CNTNAP5: variants seen among roughly 807,000 people sequenced by gnomAD.
The protein encoded by CNTNAP5 is contactin associated protein family member 5.
A neutral mutation model predicts 150.2 loss-of-function variants in CNTNAP5; 72 were observed. The ratio of observed to expected loss-of-function variants is 0.48; its 90% CI spans 0.40 to 0.58. CNTNAP5 has a LOEUF of 0.58. CNTNAP5 is among the 20% of genes least tolerant of loss of function. The pLI, the probability that CNTNAP5 is intolerant of heterozygous loss-of-function variation, is 0.00. For missense variants in CNTNAP5, 1,636 were observed against 1,626.2 expected (o/e 1.01, Z -0.10); for synonymous variants, 672 against 619.8 (o/e 1.08, Z -1.25).
chr2:124,416,204 A>G (rs1303689256), intron 3 of CNTNAP5, among the ~76,000 whole-genome samples: 1 of 152,122 alleles, frequency 6.6e-6, no homozygotes, highest in African/African-American at 2.4e-5. Context: ...AAGTATTGAG[A>G]GTTGGAGTGA....
chr2:124,246,146 T>C (rs980181644), intron 3 of CNTNAP5, among the ~76,000 whole-genome samples: 2 of 152,112 alleles, frequency 1.3e-5, no homozygotes, highest in Non-Finnish European at 2.9e-5. Flanking sequence ...TACCAAACAA[T>C]ACATAGCACA....
At chr2:124,291,842 T>C (rs1688302605) in intron 3 of CNTNAP5, among the ~76,000 whole-genome samples, 1 of 152,232 alleles carries the variant, frequency 6.6e-6, no homozygotes, top group Non-Finnish European at 1.5e-5. Context: ...CCTGTTTGGC[T>C]TATTCACATC....
intron 10 of CNTNAP5, among the ~76,000 whole-genome samples, chr2:124,534,046 A>C (rs1043465857): frequency 1.3e-5 from 2 of 152,170 alleles, no homozygotes; most frequent in Admixed American, 6.5e-5. Context: ...AATGGTACTT[A>C]AGTGAAACAA....
At chr2:124,756,807 G>A (rs1028335517) in intron 14 of CNTNAP5, among the ~76,000 whole-genome samples, 1 of 152,094 alleles carries the variant, frequency 6.6e-6, no homozygotes, top group African/African-American at 2.4e-5. Context: ...AGGAAGAATA[G>A]CTACTGGATG....
chr2:124,176,839 C>T (rs1685076476), intron 1 of CNTNAP5, among the ~76,000 whole-genome samples: 1 of 102,028 alleles, frequency 9.8e-6, no homozygotes, highest in African/African-American at 3.9e-5. Flanking sequence ...TTTGTTATTG[C>T]TGGTTTTTTT....
At chr2:124,575,474 G>C (rs1696262306) in intron 11 of CNTNAP5, among the ~76,000 whole-genome samples, 1 of 152,130 alleles carries the variant, frequency 6.6e-6, no homozygotes, top group South Asian at 2.1e-4. Context: ...GGCCCTGTAT[G>C]TGTCCACTTT....
chr2:124,458,441 T>G (rs918381672), intron 6 of CNTNAP5, among the ~76,000 whole-genome samples: 11 of 151,680 alleles, frequency 7.3e-5, no homozygotes, highest in African/African-American at 2.4e-4. Flanking sequence ...CATCGTCTGT[T>G]CCTACTCGTA....
chr2:124,214,913 T>G (rs998160346), intron 1 of CNTNAP5, among the ~76,000 whole-genome samples: 10 of 152,314 alleles, frequency 6.6e-5, no homozygotes, highest in African/African-American at 2.4e-4. Flanking sequence ...CTTTCACGAC[T>G]GATTTTAGAA....
At chr2:124,802,131 A>T (rs535528944) in intron 19 of CNTNAP5, among the ~76,000 whole-genome samples, 2 of 152,292 alleles carry the variant, frequency 1.3e-5, no homozygotes, top group African/African-American at 4.8e-5. Flanking sequence ...GGTTGTGCAC[A>T]ATGGCTCTAA....
chr2:124,913,405 C>A (rs561102478), intron 23 of CNTNAP5, among the ~76,000 whole-genome samples: 1 of 152,068 alleles, frequency 6.6e-6, no homozygotes, highest in African/African-American at 2.4e-5. Flanking sequence ...CAACATAATC[C>A]AGTTAAATCA....
intron 3 of CNTNAP5, among the ~76,000 whole-genome samples, chr2:124,316,069 A>G (rs1558847132): frequency 6.6e-6 from 1 of 152,198 alleles, no homozygotes; most frequent in Non-Finnish European, 1.5e-5. Context: ...CAGAACCTCA[A>G]CTACTTACCG....
intron 3 of CNTNAP5, among the ~76,000 whole-genome samples, chr2:124,311,693 C>A (rs1688835798): frequency 6.6e-6 from 1 of 152,178 alleles, no homozygotes; most frequent in African/African-American, 2.4e-5. Context: ...TTTTCTAATG[C>A]TCCCATAGGA....
chr2:124,580,784 A>T (rs1270994636), intron 11 of CNTNAP5, among the ~76,000 whole-genome samples: 1 of 152,242 alleles, frequency 6.6e-6, no homozygotes, highest in African/African-American at 2.4e-5. Flanking sequence ...GTGAGAGGAC[A>T]AAACCTATGC....
At chr2:124,804,083 T>C (rs1312200270) in intron 19 of CNTNAP5, among the ~76,000 whole-genome samples, 2 of 152,234 alleles carry the variant, frequency 1.3e-5, no homozygotes, top group Non-Finnish European at 2.9e-5. Context: ...CCCAGTAGTC[T>C]TTTGCTATCT....
chr2:124,784,069 T>G (rs535245019), intron 17 of CNTNAP5, among the ~76,000 whole-genome samples: 1 of 152,288 alleles, frequency 6.6e-6, no homozygotes, highest in Admixed American at 6.5e-5. Context: ...AGTCTGCCAC[T>G]TTTTGAAATC....
chr2:124,721,500 A>AATAC (rs1553435285), intron 13 of CNTNAP5, among the ~76,000 whole-genome samples: 2 of 148,076 alleles, frequency 1.4e-5, no homozygotes, highest in Admixed American at 6.7e-5. Context: ...TAAATAAATA[A>AATAC]ATAAATAAAT....
At chr2:124,114,045 C>A (rs1683368108) in intron 1 of CNTNAP5, among the ~76,000 whole-genome samples, 1 of 151,828 alleles carries the variant, frequency 6.6e-6, no homozygotes, top group Non-Finnish European at 1.5e-5. Flanking sequence ...GTGGTAGATA[C>A]AAGGGAAAAA....
At chr2:124,545,340 G>T (rs763403027) in intron 10 of CNTNAP5, among the ~76,000 whole-genome samples, 9 of 151,970 alleles carry the variant, frequency 5.9e-5, no homozygotes, top group Admixed American at 1.3e-4. Context: ...TCGTTTTCTA[G>T]GGTGGGTTTA....
chr2:124,426,504 T>G (rs1207665822), intron 4 of CNTNAP5, among the ~76,000 whole-genome samples: 1 of 152,194 alleles, frequency 6.6e-6, no homozygotes, highest in Non-Finnish European at 1.5e-5. Flanking sequence ...CTTCAAAATG[T>G]AATTGTATTG....
Sources: allele counts gnomAD v4.1 joint callset (sites outside exome capture counted in the v4.1 genomes callset), GRCh38; gene constraint gnomAD v4.1.1; transcripts MANE v1.5; gene names NCBI Gene and HGNC (gene_info 2026-07-23, HGNC 2026-07-21).